USH2A: variants seen among roughly 807,000 people sequenced by gnomAD.
USH2A encodes usherin, also known as Usher syndrome 2A (autosomal recessive, mild).
Under a neutral mutation model 538.9 loss-of-function variants are expected in USH2A, and 443 were observed. The observed-to-expected ratio is 0.82, with a 90% CI of 0.76 to 0.89. USH2A has a LOEUF of 0.89. Ranked by LOEUF, USH2A falls within the 40% of genes least tolerant of loss-of-function variation. USH2A has a pLI of 0.00. For synonymous variants in USH2A, 2,413 were observed against 2,273.5 expected (o/e 1.06, Z -1.75); for missense variants, 6,633 against 6,324.8 (o/e 1.05, Z -1.65).
intron 38 of USH2A, among the ~76,000 whole-genome samples, chr1:215,924,221 T>C (rs1209470773): frequency 6.6e-6 from 1 of 152,122 alleles, no homozygotes; most frequent in Non-Finnish European, 1.5e-5. Flanking sequence ...ATGAAAAGCA[T>C]AGTGGTTGTA....
At chr1:215,810,446 T>C (rs1006370740) in intron 49 of USH2A, among the ~76,000 whole-genome samples, 9 of 152,190 alleles carry the variant, frequency 5.9e-5, no homozygotes, top group African/African-American at 1.4e-4. Flanking sequence ...GCAGTGAAGA[T>C]GTAACTAAGA....
chr1:215,988,759 G>C (rs1405871549), intron 35 of USH2A, among the ~76,000 whole-genome samples: 2 of 152,092 alleles, frequency 1.3e-5, no homozygotes, highest in Non-Finnish European at 2.9e-5. Flanking sequence ...GGAGCTGCTG[G>C]TACACTGCTG....
intron 44 of USH2A, among the ~76,000 whole-genome samples, chr1:215,856,667 A>G (rs930353814): frequency 6.6e-5 from 10 of 152,216 alleles, no homozygotes; most frequent in Non-Finnish European, 1.5e-4. Context: ...AAGTAGATTT[A>G]CCATTTGATT....
chr1:215,759,071 T>G (rs1277332325), intron 57 of USH2A, among the ~76,000 whole-genome samples: 1 of 152,218 alleles, frequency 6.6e-6, no homozygotes, highest in Non-Finnish European at 1.5e-5. Context: ...TTTAAATAGG[T>G]TGGAGTTCAG....
intron 30 of USH2A, among the ~76,000 whole-genome samples, chr1:216,055,015 A>C (rs1398059559): frequency 6.6e-6 from 1 of 152,196 alleles, no homozygotes; most frequent in African/African-American, 2.4e-5. Context: ...CCAACAATCC[A>C]AGAGTATTTC....
At chr1:215,973,771 T>C (rs574395013) in intron 35 of USH2A, among the ~76,000 whole-genome samples, 1 of 151,534 alleles carries the variant, frequency 6.6e-6, no homozygotes, top group African/African-American at 2.4e-5. Context: ...GAGCAGACAG[T>C]TATTGAAAGA....
chr1:216,117,851 G>T (rs142655116), intron 21 of USH2A, among the ~76,000 whole-genome samples: 1 of 148,662 alleles, frequency 6.7e-6, no homozygotes, highest in South Asian at 2.1e-4. Context: ...TACACACACA[G>T]ATATATATAT....
At chr1:216,411,709 T>C (rs2039493098) in intron 3 of USH2A, among the ~76,000 whole-genome samples, 1 of 152,128 alleles carries the variant, frequency 6.6e-6, no homozygotes, top group Admixed American at 6.6e-5. Context: ...TCACATACTC[T>C]GGTGTCTGTG....
intron 21 of USH2A, among the ~76,000 whole-genome samples, chr1:216,163,159 A>G (rs1298734592): frequency 6.6e-6 from 1 of 151,908 alleles, no homozygotes; most frequent in Non-Finnish European, 1.5e-5. Context: ...TTTGTTCCCA[A>G]CTTACATTGT....
At chr1:216,295,984 C>A (rs547044017) in intron 9 of USH2A, among the ~76,000 whole-genome samples, 2 of 151,850 alleles carry the variant, frequency 1.3e-5, no homozygotes, top group South Asian at 4.2e-4. Context: ...TTTACTTTTC[C>A]CCACTAGTTC....
chr1:216,355,325 A>T (rs570331509), intron 4 of USH2A, among the ~76,000 whole-genome samples: 2 of 105,468 alleles, frequency 1.9e-5, no homozygotes, highest in African/African-American at 6.0e-5. Flanking sequence ...GAAAGAAAGA[A>T]AGAAAGAAAG....
Position 215,970,669 on chromosome 1 carries a change from T to C in USH2A, c.6913A>G (p.Arg2305Gly). 1.9e-6 allele frequency: 3 copies of C among 1,613,716 alleles called. No individual in the cohort carries two copies. The highest frequency in any genetic ancestry group is 2.5e-6 in the Non-Finnish European group (3 of 1,179,742). Residue 2305 changes from arginine to glycine, a missense_variant, in exon 36 of 72, where the codon AGA becomes GGA. By Grantham distance (125) the Arg-to-Gly change is moderately radical. Coordinates refer to ENST00000307340, the MANE Select transcript of USH2A (RefSeq NM_206933.4). ...GFAPWSLHSFRVQACTAKGCA... is the reference protein window; with the variant it reads ...GFAPWSLHSFGVQACTAKGCA... ...CCTTTGGCCGTGCATGCTTGGACTC[T>C]GAAGGAATGTAAACTCCAAGGAGCA...
chr1:216,227,055 C>T, intron 14 of USH2A, among the ~76,000 whole-genome samples: 1 of 152,162 alleles, frequency 6.6e-6, no homozygotes, highest in East Asian at 1.9e-4. Flanking sequence ...GCACCACTGA[C>T]CCCTCCCTTT....
chr1:216,248,586 A>G (rs1027879229), intron 12 of USH2A, among the ~76,000 whole-genome samples: 1 of 152,058 alleles, frequency 6.6e-6, no homozygotes, highest in African/African-American at 2.4e-5. Context: ...CAATGAAGGC[A>G]AGTTCTTTAA....
intron 32 of USH2A, among the ~76,000 whole-genome samples, chr1:216,030,398 A>C (rs899941845): frequency 1.5e-5 from 2 of 136,542 alleles, no homozygotes; most frequent in Non-Finnish European, 3.0e-5. Context: ...TCACAGATAT[A>C]TATATGATAT....
At chr1:216,236,679 C>A (rs1174486450) in intron 13 of USH2A, among the ~76,000 whole-genome samples, 1 of 152,042 alleles carries the variant, frequency 6.6e-6, no homozygotes, top group Non-Finnish European at 1.5e-5. Flanking sequence ...AGTGGCCTGT[C>A]CTATCAGGGA....
intron 58 of USH2A, among the ~76,000 whole-genome samples, chr1:215,746,299 T>G (rs1558080099): frequency 6.6e-6 from 1 of 152,078 alleles, no homozygotes; most frequent in Admixed American, 6.6e-5. Context: ...GGAATGGTCT[T>G]GAGCTGCCTG....
At chr1:215,632,113 A>G (rs1656301460) in intron 70 of USH2A, among the ~76,000 whole-genome samples, 1 of 151,806 alleles carries the variant, frequency 6.6e-6, no homozygotes, top group Non-Finnish European at 1.5e-5. Context: ...TCCAGGCTGG[A>G]GTACAGTGGC....
At chr1:215,687,403 A>G (rs1383472993) in intron 61 of USH2A, among the ~76,000 whole-genome samples, 1 of 151,884 alleles carries the variant, frequency 6.6e-6, no homozygotes, top group Non-Finnish European at 1.5e-5. Context: ...TACATCATTC[A>G]TTTTGTAATG....
Sources: allele counts gnomAD v4.1 joint callset (sites outside exome capture counted in the v4.1 genomes callset), GRCh38; gene constraint gnomAD v4.1.1; transcripts MANE v1.5; gene names NCBI Gene and HGNC (gene_info 2026-07-23, HGNC 2026-07-21).